PCNX2: variants seen among roughly 807,000 people sequenced by gnomAD.
The protein encoded by PCNX2 is pecanex-like protein 2.
In PCNX2, 168 loss-of-function variants were observed where a neutral mutation model predicts 223.8. The ratio of observed to expected loss-of-function variants is 0.75; its 90% CI spans 0.66 to 0.85. The LOEUF (loss-of-function observed/expected upper bound fraction) is 0.85. PCNX2 is among the 40% of genes least tolerant of loss of function. The pLI, the probability that PCNX2 is intolerant of heterozygous loss-of-function variation, is 0.00. For synonymous variants in PCNX2, 1,006 were observed against 1,052.6 expected (o/e 0.96, Z 0.86); for missense variants, 2,507 against 2,675.5 (o/e 0.94, Z 1.39).
the PCNX2 span, among the ~76,000 whole-genome samples, chr1:233,324,585 A>G: frequency 6.7e-6 from 1 of 148,738 alleles, no homozygotes; most frequent in African/African-American, 2.5e-5. Context: ...TGTTTACAGG[A>G]TGGTTTACTG....
chr1:233,077,951 A>C (rs1156255923), intron 23 of PCNX2, among the ~76,000 whole-genome samples: 1 of 152,196 alleles, frequency 6.6e-6, no homozygotes, highest in Non-Finnish European at 1.5e-5. Flanking sequence ...TGACAAGAAA[A>C]ATTAGAGAAT....
intron 1 of PCNX2, among the ~76,000 whole-genome samples, chr1:233,279,635 T>C (rs1361200667): frequency 6.6e-6 from 1 of 152,064 alleles, no homozygotes; most frequent in Non-Finnish European, 1.5e-5. Context: ...CCTTTGATTT[T>C]GTATTTGTTT....
At chr1:233,280,690 C>A (rs2103019192) in intron 1 of PCNX2, among the ~76,000 whole-genome samples, 1 of 152,248 alleles carries the variant, frequency 6.6e-6, no homozygotes, top group South Asian at 2.1e-4. Flanking sequence ...TCCATTACAC[C>A]CTCAGCACCC....
intron 32 of PCNX2, among the ~76,000 whole-genome samples, chr1:232,993,774 A>G (rs1558148228): frequency 1.3e-5 from 2 of 152,238 alleles, no homozygotes; most frequent in African/African-American, 2.4e-5. Context: ...TATTCTGTGC[A>G]GCCTCTGGAT....
At chr1:233,216,582 T>G (rs1656929969) in intron 12 of PCNX2, among the ~76,000 whole-genome samples, 1 of 152,192 alleles carries the variant, frequency 6.6e-6, no homozygotes, top group African/African-American at 2.4e-5. Context: ...GAAACCCTTC[T>G]ATACTGCTAG....
chr1:233,004,554 C>T (rs548569899), intron 28 of PCNX2, among the ~76,000 whole-genome samples: 2 of 151,924 alleles, frequency 1.3e-5, no homozygotes, highest in African/African-American at 4.8e-5. Flanking sequence ...GAGGTAGTTA[C>T]GAGGCAAGTA....
At chr1:233,119,373 C>A (rs1675615422) in intron 21 of PCNX2, among the ~76,000 whole-genome samples, 1 of 114,188 alleles carries the variant, frequency 8.8e-6, no homozygotes, top group Non-Finnish European at 1.7e-5. Context: ...TCCTGGCTAA[C>A]ATGGTGAAAC....
At chr1:233,131,253 CATGAGTCTA>C (rs1232471347) in intron 21 of PCNX2, among the ~76,000 whole-genome samples, 2 of 152,140 alleles carry the variant, frequency 1.3e-5, no homozygotes, top group South Asian at 4.1e-4. Context: ...GCAAGACTTC[CATGAGTCTA>C]GTGGACAAGT....
At chr1:233,269,250 G>C (rs546173300) in intron 1 of PCNX2, among the ~76,000 whole-genome samples, 2 of 152,176 alleles carry the variant, frequency 1.3e-5, no homozygotes, top group Non-Finnish European at 2.9e-5. Context: ...AGCTTCACTA[G>C]ATGTTCTGTG....
the PCNX2 span, among the ~76,000 whole-genome samples, chr1:233,322,190 C>T: frequency 6.6e-6 from 1 of 152,210 alleles, no homozygotes; most frequent in East Asian, 1.9e-4. Flanking sequence ...AAACTCTTTC[C>T]TTTTCTCATT....
intron 23 of PCNX2, among the ~76,000 whole-genome samples, chr1:233,088,136 C>A (rs1466969633): frequency 1.3e-5 from 2 of 152,266 alleles, no homozygotes; most frequent in Non-Finnish European, 2.9e-5. Flanking sequence ...CACCTAACTC[C>A]TTTTGCGCAG....
chr1:233,075,696 A>AACACACAC (rs369431993), intron 23 of PCNX2, among the ~76,000 whole-genome samples: 3,378 of 137,272 alleles, frequency 0.025, 84 homozygotes, highest in African/African-American at 0.064. Flanking sequence ...GTTAGCTTAA[A>AACACACAC]ACACACACAC....
chr1:233,322,785 C>T, the PCNX2 span, among the ~76,000 whole-genome samples: 1 of 152,052 alleles, frequency 6.6e-6, no homozygotes, highest in Non-Finnish European at 1.5e-5. Flanking sequence ...CACTTCCCCA[C>T]CCTTGATCTC....
intron 21 of PCNX2, among the ~76,000 whole-genome samples, chr1:233,105,222 T>C (rs1007845229): frequency 6.6e-6 from 1 of 152,182 alleles, no homozygotes; most frequent in Non-Finnish European, 1.5e-5. Flanking sequence ...TCATCAAATC[T>C]GGTCCACTTC....
At chr1:233,268,831 A>G (rs1660482623) in intron 1 of PCNX2, among the ~76,000 whole-genome samples, 1 of 152,054 alleles carries the variant, frequency 6.6e-6, no homozygotes, top group African/African-American at 2.4e-5. Context: ...GTGACTTCTG[A>G]TGAGTGATTT....
chr1:233,162,476 C>T (rs1438047046), intron 17 of PCNX2, among the ~76,000 whole-genome samples: 2 of 152,040 alleles, frequency 1.3e-5, no homozygotes. Context: ...TATTATCATC[C>T]AAAGTGATAA....
rs1055422764 is a variant in PCNX2, at chr1:233,126,544, T to C, written c.3837+8469A>G. Among the ~76,000 whole-genome samples the C allele has an allele frequency of 1.3e-5, 2 of 151,982 alleles. No individual in the cohort carries two copies. Among genetic ancestry groups the C allele is most frequent in the Non-Finnish European group, 2.9e-5 (2 of 67,978 alleles). ...GTGTGTGTGTGTGTGTGTGTAAATATACCAGAGGACTGGGAGGATTTATTC... is the reference window on the plus strand; with the variant it reads ...GTGTGTGTGTGTGTGTGTGTAAATACACCAGAGGACTGGGAGGATTTATTC... On this transcript the variant is annotated intron_variant, in intron 21 of 33. Transcript: ENST00000258229. The surrounding 1 kb of genome is among the most constrained non-coding windows in gnomAD (Gnocchi z 4.8).
At chr1:233,180,388 A>G (rs1679718218) in intron 15 of PCNX2, among the ~76,000 whole-genome samples, 1 of 152,198 alleles carries the variant, frequency 6.6e-6, no homozygotes, top group African/African-American at 2.4e-5. Flanking sequence ...GCTCCCACCA[A>G]CACAAACATG....
chr1:233,131,191 A>AG (rs1409501945), intron 21 of PCNX2, among the ~76,000 whole-genome samples: 1 of 152,128 alleles, frequency 6.6e-6, no homozygotes, highest in East Asian at 1.9e-4. Flanking sequence ...AGCAAGGCTG[A>AG]GGGAAGGGCT....
Sources: gnomAD v4.1 joint callset for allele counts (sites outside exome capture counted in the v4.1 genomes callset) on GRCh38, gnomAD v4.1.1 for gene constraint, Gnocchi (gnomAD v3.1) non-coding constraint, MANE v1.5 for transcripts, NCBI Gene and HGNC (gene_info 2026-07-23, HGNC 2026-07-21) for gene names.